PTPRT: variants seen among roughly 807,000 people sequenced by gnomAD.
PTPRT encodes the protein receptor-type tyrosine-protein phosphatase T.
In PTPRT, 56 loss-of-function variants were observed where a neutral mutation model predicts 176.8. The observed-to-expected ratio is 0.32, with a 90% confidence interval of 0.26 to 0.40. The LOEUF (loss-of-function observed/expected upper bound fraction) is 0.40, where lower values mean the gene tolerates loss of function less well. PTPRT is among the 10% of genes least tolerant of loss of function. The pLI is 1.00. For missense variants in PTPRT, 1,540 were observed against 1,908.2 expected (o/e 0.81, Z 3.60); for synonymous variants, 783 against 739.0 (o/e 1.06, Z -0.96).
At chr20:42,464,440 T>C (rs1409829851) in intron 8 of PTPRT, among the ~76,000 whole-genome samples, 1 of 152,168 alleles carries the variant, frequency 6.6e-6, no homozygotes, top group African/African-American at 2.4e-5. Context: ...ATATATTGGG[T>C]GGTCAGGGAA....
intron 7 of PTPRT, among the ~76,000 whole-genome samples, chr20:42,479,987 G>A (rs961446734): frequency 7.9e-5 from 12 of 152,310 alleles, no homozygotes; most frequent in Non-Finnish European, 1.8e-4. Flanking sequence ...AGAATCACCT[G>A]AAGCTGGAGC....
At chr20:42,504,802 C>A (rs1023276422) in intron 7 of PTPRT, among the ~76,000 whole-genome samples, 4 of 152,062 alleles carry the variant, frequency 2.6e-5, no homozygotes, top group African/African-American at 9.7e-5. Context: ...TTTTAAAATG[C>A]CCTTTCCTTC....
chr20:42,347,648 T>G lies in PTPRT; in HGVS notation c.1865+2980A>C, dbSNP rs192626279. Among the ~76,000 whole-genome samples, 774 of 152,262 alleles carry G rather than the reference T, an allele frequency of 5.1e-3. 24 individuals are homozygous for G. Among genetic ancestry groups the G allele is most frequent in the Admixed American group, 0.048 (734 of 15,294 alleles). On this transcript the variant is annotated intron_variant, in intron 11 of 30. Transcript: ENST00000373187. ...TGATCCATGATTCAATAGCATCACC[T>G]CATGACATGATCCAGTCAGATCAAG...
chr20:43,172,702 T>C (rs2015032162), intron 1 of PTPRT, among the ~76,000 whole-genome samples: 1 of 152,186 alleles, frequency 6.6e-6, no homozygotes, highest in South Asian at 2.1e-4. Context: ...CTCACCTCAT[T>C]AATTTCTCAC....
chr20:42,979,296 G>A (rs1257773057), intron 1 of PTPRT, among the ~76,000 whole-genome samples: 10 of 152,020 alleles, frequency 6.6e-5, no homozygotes, highest in Non-Finnish European at 1.5e-4. Context: ...TAGCCATTGT[G>A]AATCATATTT....
intron 1 of PTPRT, among the ~76,000 whole-genome samples, chr20:42,919,976 G>A (rs1979037903): frequency 6.6e-6 from 1 of 152,180 alleles, no homozygotes; most frequent in South Asian, 2.1e-4. Context: ...TAGAATTCTA[G>A]TCCACTTTGT....
intron 1 of PTPRT, among the ~76,000 whole-genome samples, chr20:43,034,863 G>A (rs1313219527): frequency 6.6e-6 from 1 of 151,872 alleles, no homozygotes; most frequent in Non-Finnish European, 1.5e-5. Context: ...GCTGGAGAGG[G>A]GGGTCCCTGT....
At chr20:42,130,287 T>C (rs1988064023) in intron 18 of PTPRT, among the ~76,000 whole-genome samples, 1 of 152,268 alleles carries the variant, frequency 6.6e-6, no homozygotes, top group African/African-American at 2.4e-5. Context: ...CTGCCTGCCC[T>C]TGGGCTGAAG....
chr20:42,589,196 A>C (rs1179575339), intron 7 of PTPRT, among the ~76,000 whole-genome samples: 2 of 152,198 alleles, frequency 1.3e-5, no homozygotes, highest in Admixed American at 1.3e-4. Flanking sequence ...ACTGCCCATC[A>C]GACTGGTTGG....
intron 1 of PTPRT, among the ~76,000 whole-genome samples, chr20:43,064,046 G>T (rs77670178): frequency 0.095 from 14,339 of 151,670 alleles, 762 homozygotes; most frequent in Middle Eastern, 0.14. Flanking sequence ...AAAAAAAAAA[G>T]TTCCCTTCTA....
intron 23 of PTPRT, among the ~76,000 whole-genome samples, chr20:42,107,184 TC>T (rs1986534901): frequency 6.6e-6 from 1 of 152,176 alleles, no homozygotes; most frequent in African/African-American, 2.4e-5. Flanking sequence ...TGGAGCTGCC[TC>T]ATAGATATGT....
intron 7 of PTPRT, among the ~76,000 whole-genome samples, chr20:42,577,479 A>G (rs1263180579): frequency 6.6e-6 from 1 of 152,190 alleles, no homozygotes; most frequent in Non-Finnish European, 1.5e-5. Flanking sequence ...GAAGGAGTGA[A>G]ACCTGTTGTT....
chr20:42,288,053 C>A (rs2057260490), intron 12 of PTPRT, among the ~76,000 whole-genome samples: 1 of 151,798 alleles, frequency 6.6e-6, no homozygotes, highest in Non-Finnish European at 1.5e-5. Flanking sequence ...AAAAATACAT[C>A]CTGAAGGAAA....
intron 1 of PTPRT, among the ~76,000 whole-genome samples, chr20:43,115,813 A>T (rs1321900399): frequency 1.3e-5 from 2 of 152,152 alleles, no homozygotes; most frequent in African/African-American, 2.4e-5. Context: ...GGCAACTAAC[A>T]ATCAATCAGT....
At chr20:42,603,710 T>G (rs1179881284) in intron 7 of PTPRT, among the ~76,000 whole-genome samples, 1 of 152,188 alleles carries the variant, frequency 6.6e-6, no homozygotes, top group African/African-American at 2.4e-5. Context: ...CATTTAGAAG[T>G]GGAACCTGGA....
chr20:42,521,721 G>A (rs2072180247), intron 7 of PTPRT, among the ~76,000 whole-genome samples: 1 of 152,152 alleles, frequency 6.6e-6, no homozygotes, highest in Non-Finnish European at 1.5e-5. Flanking sequence ...AGTTTTTAAT[G>A]CTTGAAAGTC....
In PTPRT at chr20:42,363,284, ATATATATATATATATATTTTTT is replaced by A. The variant is rs1316831744; in HGVS notation, c.1561-11021_1561-11000del. ...ATTTATTACAATTATATATATATAT[ATATATATATATATATATTTTTT>A]TTTTTTTTTTTTTTTTTTTTGAGAT... On this transcript the variant is annotated intron_variant, in intron 9 of 30. Transcript: ENST00000373187. 3.4e-4 allele frequency among the ~76,000 whole-genome samples: 6 copies of A among 17,780 alleles called. No individual in the cohort carries two copies. The East Asian group carries it at 4.6e-3, about 14-fold the overall frequency. 11.7% of individuals were successfully genotyped at this position (17,780 alleles called of 152,430 possible). A position where few individuals can be genotyped will look rare whatever the true frequency, so the allele number is the denominator to read the frequency against.
chr20:42,398,609 T>C (rs1364196488), intron 9 of PTPRT, among the ~76,000 whole-genome samples: 1 of 152,192 alleles, frequency 6.6e-6, no homozygotes, highest in Non-Finnish European at 1.5e-5. Flanking sequence ...AAAATCTCTT[T>C]GTATATGTCT....
intron 2 of PTPRT, among the ~76,000 whole-genome samples, chr20:42,820,069 T>C (rs1254352098): frequency 6.6e-6 from 1 of 152,246 alleles, no homozygotes; most frequent in African/African-American, 2.4e-5. Context: ...CAAGTGGACC[T>C]AGTAGACGTC....
Sources: allele counts gnomAD v4.1 joint callset (sites outside exome capture counted in the v4.1 genomes callset), GRCh38; gene constraint gnomAD v4.1.1; transcripts MANE v1.5; gene names NCBI Gene and HGNC (gene_info 2026-07-23, HGNC 2026-07-21).